Variants in MAGI1 observed in about 807,000 individuals in gnomAD.
MAGI1 encodes the protein membrane associated guanylate kinase, WW and PDZ domain containing 1, also known as membrane-associated guanylate kinase, WW and PDZ domain-containing protein 1.
In MAGI1, 58 loss-of-function variants were observed where a neutral mutation model predicts 139.9. That is an observed-to-expected ratio of 0.41 (90% CI 0.34 to 0.52). The LOEUF (loss-of-function observed/expected upper bound fraction) is 0.52, where lower values mean the gene tolerates loss of function less well. Ranked by LOEUF, MAGI1 falls within the 20% of genes least tolerant of loss-of-function variation. MAGI1 has a pLI of 0.12. For synonymous variants in MAGI1, 812 were observed against 737.9 expected, an observed-to-expected ratio of 1.10 and a Z score of -1.63; for missense variants, 1,874 against 1,901.6, an observed-to-expected ratio of 0.99 and a Z score of 0.27.
rs1290361431 is a variant in MAGI1, at chr3:65,430,813, T to G, written c.1432A>C (p.Ser478Arg). Residue 478 changes from serine to arginine, a missense_variant, in exon 11 of 23, where the codon AGC becomes CGC. Physicochemically the swap from Ser to Arg is moderately radical, Grantham distance 110 (BLOSUM62 -1). Coordinates refer to ENST00000402939, the MANE Select transcript of MAGI1 (RefSeq NM_001033057.2). ...GKFIHTKLRK[S>R]SRGFGFTVVG... Reference sequence around the variant, plus strand: ...ACCGTGAAGCCAAAGCCACGACTGCTTTTCCGCAGCTTTGTGTGAATGAAC... The same window carrying G: ...ACCGTGAAGCCAAAGCCACGACTGCGTTTCCGCAGCTTTGTGTGAATGAAC... The G allele has an allele frequency of 6.2e-7, 1 of 1,613,634 alleles. No individual in the cohort carries two copies. The highest frequency in any genetic ancestry group is 8.5e-7 in the Non-Finnish European group (1 of 1,179,772).
chr3:65,435,041 C>T (rs1049558447), intron 10 of MAGI1, among the ~76,000 whole-genome samples: 6 of 152,144 alleles, frequency 3.9e-5, no homozygotes, highest in African/African-American at 7.2e-5. Context: ...AGAAAATGGC[C>T]GTCTATAAAC....
intron 1 of MAGI1, among the ~76,000 whole-genome samples, chr3:65,735,356 C>CGTGTGTGTGTGTGTGTGT (rs368243061): frequency 0.012 from 1,736 of 148,152 alleles, 36 homozygotes; most frequent in African/African-American, 0.036. Flanking sequence ...TGTGTCTGCA[C>CGTGTGTGTGTGTGTGTGT]GTGTGTGTGT....
In MAGI1 at chr3:65,493,637, G is replaced by C; in HGVS notation, c.431-6C>G. On this transcript the variant is annotated splice_polypyrimidine_tract_variant and splice_region_variant and intron_variant, in intron 2 of 22. Coordinates refer to ENST00000402939, the MANE Select transcript of MAGI1 (RefSeq NM_001033057.2). Reference sequence around the variant, plus strand: ...TCTGGGAGATCGGGTTGTGCCTGTAGCAGAAAATACAAAGGCACAACAAAC... The same window carrying C: ...TCTGGGAGATCGGGTTGTGCCTGTACCAGAAAATACAAAGGCACAACAAAC... 6.2e-7 allele frequency: 1 copy of C among 1,613,950 alleles called. No individual in the cohort carries two copies. The highest frequency in any genetic ancestry group is 8.5e-7 in the Non-Finnish European group (1 of 1,180,026).
At chr3:65,740,211 A>G (rs1470889002) in intron 1 of MAGI1, among the ~76,000 whole-genome samples, 2 of 152,280 alleles carry the variant, frequency 1.3e-5, no homozygotes, top group East Asian at 3.9e-4. Flanking sequence ...AATTTCCACT[A>G]GTGTCTTTTT....
chr3:65,362,954 A>C (rs1008341765), intron 21 of MAGI1, among the ~76,000 whole-genome samples: 2 of 152,202 alleles, frequency 1.3e-5, no homozygotes, highest in African/African-American at 4.8e-5. Flanking sequence ...AGCAACTCTG[A>C]ATATTCATGC....
intron 2 of MAGI1, among the ~76,000 whole-genome samples, chr3:65,534,809 T>A (rs1343418794): frequency 6.6e-6 from 1 of 152,172 alleles, no homozygotes; most frequent in Non-Finnish European, 1.5e-5. Context: ...AGTTTTTTCA[T>A]TCTTGGCCAC....
intron 5 of MAGI1, chr3:65,469,675 T>G (rs1182628598): frequency 6.6e-6 from 1 of 151,926 alleles, no homozygotes; most frequent in Non-Finnish European, 1.5e-5. Context: ...AAAGATTTCC[T>G]AGCTACTACA....
intron 1 of MAGI1, among the ~76,000 whole-genome samples, chr3:65,909,362 CA>C (rs35345969): frequency 1.4e-3 from 178 of 130,526 alleles, no homozygotes; most frequent in Middle Eastern, 7.8e-3. Flanking sequence ...CCCATCTCTA[CA>C]AAAAAAAAAA....
intron 1 of MAGI1, among the ~76,000 whole-genome samples, chr3:65,739,987 C>A (rs1411694278): frequency 4.6e-5 from 2 of 43,044 alleles, no homozygotes; most frequent in African/African-American, 1.6e-4. Flanking sequence ...TTGCCACAAA[C>A]CTTCAAGTTG....
At chr3:65,817,622 T>A (rs12637895) in intron 1 of MAGI1, among the ~76,000 whole-genome samples, 88,021 of 151,988 alleles carry the variant, frequency 0.58, 26,089 homozygotes, top group East Asian at 0.93. Context: ...AACAACTGAG[T>A]AGTGTTAGAA....
chr3:65,916,094 T>A (rs551907996), intron 1 of MAGI1, among the ~76,000 whole-genome samples: 1 of 150,854 alleles, frequency 6.6e-6, no homozygotes, highest in Non-Finnish European at 1.5e-5. Context: ...TGAGACAGAG[T>A]CTTGCTCTGT....
chr3:65,959,798 C>CTT (rs33978400), intron 1 of MAGI1, among the ~76,000 whole-genome samples: 706 of 60,250 alleles, frequency 0.012, 26 homozygotes, highest in African/African-American at 0.016. Flanking sequence ...TAAATTCTCT[C>CTT]TTTTTTTTTT....
intron 1 of MAGI1, among the ~76,000 whole-genome samples, chr3:65,789,825 CAA>C (rs1353942307): frequency 2.0e-5 from 3 of 152,144 alleles, no homozygotes; most frequent in African/African-American, 7.2e-5. Flanking sequence ...GTTTCCTTTT[CAA>C]AAGTCCTTGA....
intron 3 of MAGI1, among the ~76,000 whole-genome samples, chr3:65,490,287 G>A (rs1951909584): frequency 6.6e-6 from 1 of 152,156 alleles, no homozygotes; most frequent in South Asian, 2.1e-4. Context: ...TAAGCAACTT[G>A]CCGGAGGGCA....
At position 65,434,316 on chromosome 3, in the gene MAGI1, G is replaced by C. The variant is rs554475908; in HGVS notation, c.1363+2839C>G. 9.3e-4 allele frequency among the ~76,000 whole-genome samples: 141 copies of C among 152,238 alleles called. 1 individual carries two copies. Among genetic ancestry groups the C allele is most frequent in the Non-Finnish European group, 1.9e-3 (126 of 68,028 alleles). On this transcript the variant is annotated intron_variant, in intron 10 of 22. Coordinates refer to ENST00000402939, the MANE Select transcript of MAGI1 (RefSeq NM_001033057.2). ...GGTAAAGTGCCTGGGAAGGTACCTGGCACATAATAAGAGCTCAATAAGTGA... is the reference window on the plus strand; with the variant it reads ...GGTAAAGTGCCTGGGAAGGTACCTGCCACATAATAAGAGCTCAATAAGTGA...
intron 1 of MAGI1, among the ~76,000 whole-genome samples, chr3:65,746,444 G>A (rs1318297578): frequency 1.3e-5 from 2 of 152,162 alleles, no homozygotes; most frequent in African/African-American, 2.4e-5. Flanking sequence ...TGTTTCTGAT[G>A]CAAGTATATG....
Position 65,663,552 on chromosome 3 carries a change from C to T in MAGI1, c.314-41464G>A, listed in dbSNP as rs185877896. 3.6e-3 allele frequency among the ~76,000 whole-genome samples: 551 copies of T among 152,324 alleles called. 2 individuals carry two copies. Among genetic ancestry groups the T allele is most frequent in the Middle Eastern group, 0.014 (4 of 294 alleles). ...TGAAACCAACTGCAGAAACGCCAAA[C>T]TAAAGGGCTTTGTGTCTTTACAGAT... On this transcript the variant is annotated intron_variant, in intron 1 of 22. Transcript: ENST00000402939.
intron 2 of MAGI1, among the ~76,000 whole-genome samples, chr3:65,603,836 C>T (rs1219943044): frequency 6.6e-6 from 1 of 152,190 alleles, no homozygotes; most frequent in East Asian, 1.9e-4. Flanking sequence ...CCTGTTACAG[C>T]ATCCCCCAGA....
At chr3:65,741,165 G>A (rs1361157833) in intron 1 of MAGI1, among the ~76,000 whole-genome samples, 4 of 148,580 alleles carry the variant, frequency 2.7e-5, no homozygotes, top group Non-Finnish European at 4.5e-5. Flanking sequence ...AATAAAAGAG[G>A]TTGCTATTAT....
Sources: gnomAD v4.1 joint callset for allele counts (sites outside exome capture counted in the v4.1 genomes callset) on GRCh38, gnomAD v4.1.1 for gene constraint, MANE v1.5 for transcripts, NCBI Gene and HGNC (gene_info 2026-07-23, HGNC 2026-07-21) for gene names.